Variants in ANKRD36B observed in about 807,000 individuals in gnomAD.
The protein encoded by ANKRD36B is ankyrin repeat domain 36B.
ANKRD36B carries 37 observed loss-of-function variants against 135.7 expected under a neutral mutation model. The observed-to-expected ratio is 0.27, with a 90% CI of 0.21 to 0.36. The LOEUF (loss-of-function observed/expected upper bound fraction) is 0.36. Among genes scored for constraint, ANKRD36B ranks in the 10% least tolerant of loss-of-function variants. The pLI, the probability that ANKRD36B is intolerant of heterozygous loss-of-function variation, is 1.00. For missense variants in ANKRD36B, 549 were observed against 1,037.1 expected (o/e 0.53, Z 6.46); for synonymous variants, 179 against 348.1 (o/e 0.51, Z 5.41).
chr2:97,546,231 C>G (rs1388588716), intron 22 of ANKRD36B, among the ~76,000 whole-genome samples: 1 of 151,744 alleles, frequency 6.6e-6, no homozygotes, highest in East Asian at 1.9e-4. Flanking sequence ...TCCCACATGT[C>G]TTTCATGTAA....
intron 6 of ANKRD36B, among the ~76,000 whole-genome samples, chr2:97,572,706 T>C (rs574503973): frequency 6.6e-6 from 1 of 150,820 alleles, no homozygotes; most frequent in Admixed American, 6.6e-5. Context: ...GTGTTAGAAA[T>C]GTGTTCTAAT....
intron 6 of ANKRD36B, among the ~76,000 whole-genome samples, chr2:97,574,952 A>C (rs2082130428): frequency 1.3e-5 from 2 of 152,092 alleles, no homozygotes; most frequent in African/African-American, 2.4e-5. Context: ...TTGTTCCTCC[A>C]TATTTGGACA....
At chr2:97,556,811 T>C (rs944307403) in intron 12 of ANKRD36B, 126 bp downstream of exon 12, 2 of 1,433,560 alleles carry the variant, frequency 1.4e-6, no homozygotes, top group Admixed American at 2.4e-5. Flanking sequence ...TTACTAGAAA[T>C]GCACAATCTC....
intron 6 of ANKRD36B, among the ~76,000 whole-genome samples, chr2:97,575,452 C>T (rs1417844722): frequency 6.6e-6 from 1 of 151,878 alleles, no homozygotes; most frequent in Non-Finnish European, 1.5e-5. Flanking sequence ...AGTATAAAGG[C>T]CAGTACACAA....
In ANKRD36B at chr2:97,584,822, T is replaced by G; in HGVS notation, c.450+122A>C. On this transcript the variant is annotated intron_variant, in intron 3 of 43. Coordinates refer to ENST00000359901, the MANE Select transcript of ANKRD36B (RefSeq NM_001393939.1). ...TAAAATCTTAGACAGTTAAGGCATTTCAAAATATTTTCATTCAAGGAATGT... is the reference window on the plus strand; with the variant it reads ...TAAAATCTTAGACAGTTAAGGCATTGCAAAATATTTTCATTCAAGGAATGT... The G allele has an allele frequency of 4.4e-6, 3 of 688,128 alleles. No individual in the cohort carries two copies. In the Middle Eastern group the frequency reaches 1.2e-3, roughly 282 times the overall value. The allele number at this position is 688,128 out of a possible 1,614,324, so 42.6% of individuals were successfully genotyped here.
At chr2:97,528,646 T>C (rs1200116779) in intron 35 of ANKRD36B, among the ~76,000 whole-genome samples, 1 of 95,250 alleles carries the variant, frequency 1.0e-5, no homozygotes. Context: ...ACAAAATTGA[T>C]AGACCGCTAG....
chr2:97,585,383 C>T lies in ANKRD36B; in HGVS notation c.177G>A (p.Leu59=), dbSNP rs1203639358. 6.4e-7 allele frequency: 1 copy of T among 1,569,280 alleles called. No homozygotes were observed. Among genetic ancestry groups the T allele is most frequent in the Admixed American group, 1.8e-5 (1 of 54,144 alleles). ...TTTCCGGTTGGCCAGTGGCACAGGCCAAATGTAGGGCAGTCCTGTGAGAGT... is the reference window on the plus strand; with the variant it reads ...TTTCCGGTTGGCCAGTGGCACAGGCTAAATGTAGGGCAGTCCTGTGAGAGT... ...RDRKERTALH[L]ACATGQPEMV... The change falls in exon 2 of 44, where the codon TTG becomes TTA. Residue 59 remains leucine, a synonymous_variant. Transcript: ENST00000359901.
intron 1 of ANKRD36B, among the ~76,000 whole-genome samples, chr2:97,587,073 G>C (rs1320937881): frequency 6.6e-6 from 1 of 152,142 alleles, no homozygotes; most frequent in Admixed American, 6.5e-5. Context: ...TACTCAGGAG[G>C]CTGAGGTGGG....
chr2:97,589,614 G>A lies in ANKRD36B; in HGVS notation c.72C>T (p.Ile24=). Reference sequence around the variant, plus strand: ...GATTACCACGTAAGACAGCTCTGTGGATCCTCTTCAGATGATACGGTTTAA... The same window carrying A: ...GATTACCACGTAAGACAGCTCTGTGAATCCTCTTCAGATGATACGGTTTAA... ...YYIKPYHLKR[I]HRAVLRGNLE... Residue 24 remains isoleucine (I), a synonymous_variant, in exon 1 of 44, where the codon ATC becomes ATT. Transcript: ENST00000359901. 2 of 1,614,144 alleles carry A rather than the reference G, an allele frequency of 1.2e-6. No individual in the cohort carries two copies. Among genetic ancestry groups the A allele is most frequent in the Non-Finnish European group, 1.7e-6 (2 of 1,180,026 alleles).
chr2:97,550,571 TTA>T (rs1182611753), intron 18 of ANKRD36B, among the ~76,000 whole-genome samples: 1 of 151,816 alleles, frequency 6.6e-6, no homozygotes, highest in African/African-American at 2.4e-5. Flanking sequence ...ATATTCAAGT[TTA>T]TCTCATTTCT....
intron 10 of ANKRD36B, among the ~76,000 whole-genome samples, chr2:97,558,291 G>GT (rs1450634338): frequency 1.3e-5 from 2 of 152,040 alleles, no homozygotes; most frequent in Non-Finnish European, 2.9e-5. Context: ...GGTTTCCTCA[G>GT]AAGAAACCCC....
rs1486738359 is a variant in ANKRD36B, at chr2:97,547,729, A to T, written c.1480T>A (p.Ser494Thr). Reference sequence around the variant, plus strand: ...TTCAAGCCTGGTGGTTGCTCAAAAGACACTGAAAAGTAAAAGGGATTCATA... The same window carrying T: ...TTCAAGCCTGGTGGTTGCTCAAAAGTCACTGAAAAGTAAAAGGGATTCATA... ...KKDGEKSRTV[S>T]FEQPPGLKAT... The change falls in exon 21 of 44, where the codon TCT becomes ACT. Residue 494 changes from serine (S) to threonine (T), a missense_variant and splice_region_variant. Coordinates refer to ENST00000359901, the MANE Select transcript of ANKRD36B (RefSeq NM_001393939.1). The T allele has an allele frequency of 6.4e-7, 1 of 1,558,098 alleles. No homozygotes were observed.
At chr2:97,563,176 T>A (rs1420256431) in intron 6 of ANKRD36B, among the ~76,000 whole-genome samples, 1 of 151,922 alleles carries the variant, frequency 6.6e-6, no homozygotes, top group Admixed American at 6.6e-5. Flanking sequence ...AAAAACTTAT[T>A]TAACTACAAT....
In ANKRD36B at chr2:97,527,198, T is replaced by C. The variant is rs2078263415; in HGVS notation, c.2266-3731A>G. On this transcript the variant is annotated intron_variant, in intron 35 of 43. Transcript: ENST00000359901. ...AAAGGGAAGCCCATCAGACTAACAG[T>C]GGATCTCTCGGCAGAAACTCTACAA... 2.1e-5 allele frequency among the ~76,000 whole-genome samples: 2 copies of C among 95,572 alleles called. 1 individual carries two copies. The highest frequency in any genetic ancestry group is 6.3e-5 in the African/African-American group (2 of 31,758). 62.7% of individuals were successfully genotyped at this position (95,572 alleles called of 152,430 possible). A position where few individuals can be genotyped will look rare whatever the true frequency, so the allele number is the denominator to read the frequency against.
rs1332942249 is a variant in ANKRD36B, at chr2:97,496,853, A to ATATATATATATATG, written c.*7-3999_*7-3998insCATATATATATATA. Among the ~76,000 whole-genome samples the ATATATATATATATG allele has an allele frequency of 2.2e-4, 16 of 72,198 alleles. 3 individuals carry two copies. Among genetic ancestry groups the ATATATATATATATG allele is most frequent in the African/African-American group, 1.0e-3 (16 of 15,716 alleles). 47.4% of individuals were successfully genotyped at this position (72,198 alleles called of 152,430 possible). On this transcript the variant is annotated intron_variant, in intron 43 of 43. Coordinates refer to ENST00000359901, the MANE Select transcript of ANKRD36B (RefSeq NM_001393939.1). ...TGTGTGTATATATATATATATATAT[A>ATATATATATATATG]TATATATCTTTTAAAATATTACTGC... is the stretch of plus-strand genomic sequence containing the variant.
At chr2:97,560,329 T>A (rs2104767395) in intron 8 of ANKRD36B, among the ~76,000 whole-genome samples, 1 of 152,048 alleles carries the variant, frequency 6.6e-6, no homozygotes, top group Middle Eastern at 3.4e-3. Flanking sequence ...CTATAATATC[T>A]ATTACTTCAT....
chr2:97,559,738 A>G (rs538030947), intron 8 of ANKRD36B, among the ~76,000 whole-genome samples: 1 of 152,116 alleles, frequency 6.6e-6, no homozygotes, highest in East Asian at 1.9e-4. Flanking sequence ...TTAGATATTA[A>G]TAAGTTTTAC....
chr2:97,589,247 C>CA (rs1384135692), intron 1 of ANKRD36B, among the ~76,000 whole-genome samples: 1 of 109,000 alleles, frequency 9.2e-6, no homozygotes, highest in Non-Finnish European at 1.9e-5. Flanking sequence ...CCCTACCCCC[C>CA]AAGCCTTCAT....
In ANKRD36B at chr2:97,565,703, C is replaced by CTGTTGT. The variant is rs2081372861; in HGVS notation, c.764-4844_764-4843insACAACA. On this transcript the variant is annotated intron_variant, in intron 6 of 43. Coordinates refer to ENST00000359901, the MANE Select transcript of ANKRD36B (RefSeq NM_001393939.1). Reference sequence around the variant, plus strand: ...CAATCGTTAAAAGGTCAGGAAACAACAGATGCTGGAGCAGATGTGGAGAAA... The same window carrying CTGTTGT: ...CAATCGTTAAAAGGTCAGGAAACAACTGTTGTAGATGCTGGAGCAGATGTGGAGAAA... Among the ~76,000 whole-genome samples the CTGTTGT allele has an allele frequency of 3.3e-5, 5 of 152,232 alleles. No homozygotes were observed. The East Asian group carries it at 9.7e-4, about 29-fold the overall frequency.
Sources: gnomAD v4.1 joint callset for allele counts (sites outside exome capture counted in the v4.1 genomes callset) on GRCh38, gnomAD v4.1.1 for gene constraint, MANE v1.5 for transcripts, NCBI Gene and HGNC (gene_info 2026-07-23, HGNC 2026-07-21) for gene names.